Variants in PPP6R3 observed in about 807,000 individuals in gnomAD.
PPP6R3 encodes the protein serine/threonine-protein phosphatase 6 regulatory subunit 3.
Under a neutral mutation model 110.7 loss-of-function variants are expected in PPP6R3, and 38 were observed. That is an observed-to-expected ratio of 0.34 (90% CI 0.26 to 0.45). The LOEUF (loss-of-function observed/expected upper bound fraction) is 0.45. Ranked by LOEUF, PPP6R3 falls within the 20% of genes least tolerant of loss-of-function variation. PPP6R3 has a pLI of 1.00. For synonymous variants in PPP6R3, 369 were observed against 373.5 expected, an observed-to-expected ratio of 0.99 and a Z score of 0.14; for missense variants, 870 against 1,062.4, an observed-to-expected ratio of 0.82 and a Z score of 2.52.
chr11:68,527,708 T>C (rs2099207464), intron 2 of PPP6R3, among the ~76,000 whole-genome samples: 1 of 152,254 alleles, frequency 6.6e-6, no homozygotes, highest in Non-Finnish European at 1.5e-5. Context: ...TCACTGGATC[T>C]GTCTGCTTCT....
intron 19 of PPP6R3, among the ~76,000 whole-genome samples, chr11:68,600,086 C>T (rs1242418252): frequency 6.6e-6 from 1 of 152,124 alleles, no homozygotes; most frequent in Non-Finnish European, 1.5e-5. Flanking sequence ...CGTGCCACTG[C>T]ACTCCAGCCT....
In PPP6R3 at chr11:68,603,422, A is replaced by G. The variant is rs1399659021; in HGVS notation, c.2380A>G (p.Met794Val). 3.7e-6 allele frequency: 6 copies of G among 1,614,018 alleles called. No individual in the cohort carries two copies. The highest frequency in any genetic ancestry group is 5.1e-6 in the Non-Finnish European group (6 of 1,180,034). ...TACAGACAAGGTAACTGAGACAGTG[A>G]TGAATGGCGGCATGAAGGAAACGCT... ...ESTDKVTETV[M>V]NGGMKETLSL... is the part of the protein sequence containing the mutation. Residue 794 changes from methionine to valine, a missense_variant, in exon 22 of 24, where the codon ATG becomes GTG. Coordinates refer to ENST00000393800, the MANE Select transcript of PPP6R3 (RefSeq NM_001164161.2).
chr11:68,485,606 T>C (rs2098941985), intron 1 of PPP6R3, among the ~76,000 whole-genome samples: 1 of 152,256 alleles, frequency 6.6e-6, no homozygotes, highest in Non-Finnish European at 1.5e-5. Flanking sequence ...TGTTGGATTT[T>C]ATTAAATGCC....
chr11:68,474,902 CT>C lies in PPP6R3; in HGVS notation c.-158+14083del, dbSNP rs200860000. 4.4e-3 allele frequency among the ~76,000 whole-genome samples: 668 copies of C among 151,786 alleles called. 3 individuals carry two copies. Among genetic ancestry groups the C allele is most frequent in the African/African-American group, 0.015 (623 of 41,384 alleles). On this transcript the variant is annotated intron_variant, in intron 1 of 23. Transcript: ENST00000393800. ...TTTGTAATCACTAATATTTAACTTC[CT>C]TTTTTTTATTTTTTTTATTTTTATT...
At chr11:68,484,780 T>A (rs1454661574) in intron 1 of PPP6R3, among the ~76,000 whole-genome samples, 3 of 151,944 alleles carry the variant, frequency 2.0e-5, no homozygotes, top group Non-Finnish European at 4.4e-5. Flanking sequence ...AGAGATGGGG[T>A]TTCACCATGT....
At chr11:68,540,964 A>G (rs1312233474) in intron 3 of PPP6R3, among the ~76,000 whole-genome samples, 1 of 152,228 alleles carries the variant, frequency 6.6e-6, no homozygotes, top group East Asian at 1.9e-4. Flanking sequence ...GGCAATTATC[A>G]CATGGTCCTG....
chr11:68,615,036 A>G lies in PPP6R3; in HGVS notation c.*1919A>G. On this transcript the variant is annotated 3_prime_UTR_variant, in exon 24 of 24. Transcript: ENST00000393800. ...ACCTGGTGGCTTCTCCATCCTACCCAAGGTAACAGTGTCTTGCTTCATCCC... is the reference window on the plus strand; with the variant it reads ...ACCTGGTGGCTTCTCCATCCTACCCGAGGTAACAGTGTCTTGCTTCATCCC... 2.0e-6 allele frequency: 1 copy of G among 498,798 alleles called. No individual in the cohort carries two copies. Among genetic ancestry groups the G allele is most frequent in the Non-Finnish European group, 3.9e-6 (1 of 254,706 alleles). 30.9% of individuals were successfully genotyped at this position (498,798 alleles called of 1,614,324 possible). A position where few individuals can be genotyped will look rare whatever the true frequency, so the allele number is the denominator to read the frequency against.
chr11:68,496,719 C>G (rs916745298), intron 1 of PPP6R3, among the ~76,000 whole-genome samples: 1 of 152,112 alleles, frequency 6.6e-6, no homozygotes, highest in Non-Finnish European at 1.5e-5. Flanking sequence ...ACTTCACACA[C>G]CTCGGCTTCC....
intron 3 of PPP6R3, among the ~76,000 whole-genome samples, chr11:68,542,682 C>T (rs1217604677): frequency 6.6e-6 from 1 of 152,146 alleles, no homozygotes; most frequent in African/African-American, 2.4e-5. Flanking sequence ...GTGTGCGCCA[C>T]CGCGCTCGGC....
At position 68,569,872 on chromosome 11, in the gene PPP6R3, C is replaced by G. The variant is rs772458351; in HGVS notation, c.1253C>G (p.Thr418Ser). The change falls in exon 11 of 24, where the codon ACT becomes AGT. Residue 418 changes from threonine (T) to serine (S), a missense_variant. Physicochemically the swap from Thr to Ser is moderately conservative, Grantham distance 58. Transcript: ENST00000393800. ...ENATITDQDS[T>S]GDNLLLKHLF... The stretch of plus-strand genomic sequence containing the variant: ...GCCACAATTACCGATCAAGACTCCA[C>G]TGGTGATAATTTGTTATTAAAACAT... The G allele has an allele frequency of 5.0e-6, 8 of 1,610,406 alleles. No homozygotes were observed. Among genetic ancestry groups the G allele is most frequent in the Non-Finnish European group, 5.9e-6 (7 of 1,177,726 alleles).
Position 68,613,896 on chromosome 11 carries a change from G to A in PPP6R3, c.*779G>A. ...TGGAGTGTATATGGCTTGTGTTTTGGGATTTTTTTTTTTTTTTTTTGGCTT... is the reference window on the plus strand; with the variant it reads ...TGGAGTGTATATGGCTTGTGTTTTGAGATTTTTTTTTTTTTTTTTTGGCTT... On this transcript the variant is annotated 3_prime_UTR_variant, in exon 24 of 24. Transcript: ENST00000393800. The A allele has an allele frequency of 1.0e-6, 1 of 955,400 alleles. No homozygotes were observed. Among genetic ancestry groups the A allele is most frequent in the Admixed American group, 6.8e-5 (1 of 14,734 alleles). The allele number at this position is 955,400 out of a possible 1,614,324, so 59.2% of individuals were successfully genotyped here.
At chr11:68,569,435 T>C (rs2099493803) in intron 10 of PPP6R3, among the ~76,000 whole-genome samples, 2 of 152,198 alleles carry the variant, frequency 1.3e-5, no homozygotes, top group African/African-American at 4.8e-5. Flanking sequence ...TAATAATAAC[T>C]AATAATAAAG....
chr11:68,580,670 G>T (rs1225733245), intron 14 of PPP6R3, among the ~76,000 whole-genome samples: 1 of 148,988 alleles, frequency 6.7e-6, no homozygotes, highest in Admixed American at 6.7e-5. Flanking sequence ...TGTAGATCAG[G>T]AATTCAGTTT....
chr11:68,591,469 C>G, intron 17 of PPP6R3, 107 bp from the exon 18 acceptor site: 2 of 1,029,908 alleles, frequency 1.9e-6, no homozygotes, highest in Non-Finnish European at 2.7e-6. Flanking sequence ...TGATAGGCAC[C>G]ATATTGTAAA....
chr11:68,591,715 T>A lies in PPP6R3; in HGVS notation c.1916+9T>A. On this transcript the variant is annotated intron_variant, in intron 18 of 23. Coordinates refer to ENST00000393800, the MANE Select transcript of PPP6R3 (RefSeq NM_001164161.2). ...TCCCAAAGACGATCCAGGTGAAAGA[T>A]AGTTGGTTATAGTTGTAATTATAGC... The A allele has an allele frequency of 6.2e-7, 1 of 1,601,920 alleles. No individual in the cohort carries two copies. Among genetic ancestry groups the A allele is most frequent in the Non-Finnish European group, 8.5e-7 (1 of 1,175,814 alleles).
At chr11:68,522,317 C>T (rs946279176) in intron 2 of PPP6R3, among the ~76,000 whole-genome samples, 1 of 152,228 alleles carries the variant, frequency 6.6e-6, no homozygotes, top group African/African-American at 2.4e-5. Flanking sequence ...GAGAGCTCAT[C>T]TCCTACAGGA....
chr11:68,585,900 A>T (rs2099576993), intron 15 of PPP6R3, among the ~76,000 whole-genome samples: 1 of 152,236 alleles, frequency 6.6e-6, no homozygotes, highest in South Asian at 2.1e-4. Context: ...TTAAAATATA[A>T]CAACATTTTG....
rs1565784466 is a variant in PPP6R3, at chr11:68,551,200, T to C, written c.618+14T>C. The C allele has an allele frequency of 6.3e-7, 1 of 1,593,444 alleles. No individual in the cohort carries two copies. Among genetic ancestry groups the C allele is most frequent in the Admixed American group, 1.7e-5 (1 of 59,102 alleles). Reference sequence around the variant, plus strand: ...CAAGAAGAAGATGTAAGTTCACTTGTGTGACTGTAAACTTGATTAGAAAAA... The same window carrying C: ...CAAGAAGAAGATGTAAGTTCACTTGCGTGACTGTAAACTTGATTAGAAAAA... On this transcript the variant is annotated intron_variant, in intron 6 of 23. Coordinates refer to ENST00000393800, the MANE Select transcript of PPP6R3 (RefSeq NM_001164161.2).
At chr11:68,470,548 G>A (rs1174342132) in intron 1 of PPP6R3, among the ~76,000 whole-genome samples, 1 of 152,160 alleles carries the variant, frequency 6.6e-6, no homozygotes. Flanking sequence ...AGATGGGTAA[G>A]TCATTTGGTG....
Sources: allele counts gnomAD v4.1 joint callset (sites outside exome capture counted in the v4.1 genomes callset), GRCh38; gene constraint gnomAD v4.1.1; transcripts MANE v1.5; gene names NCBI Gene and HGNC (gene_info 2026-07-23, HGNC 2026-07-21).